CCDC171: variants seen among roughly 807,000 people sequenced by gnomAD.
CCDC171 encodes the protein coiled-coil domain containing 171.
In CCDC171, 177 loss-of-function variants were observed where a neutral mutation model predicts 168.2. That is an observed-to-expected ratio of 1.05 (90% CI 0.93 to 1.19). The LOEUF is 1.19. Among genes scored for constraint, CCDC171 ranks in the 50% most tolerant of loss-of-function variants. CCDC171 has a pLI of 0.00. For missense variants in CCDC171, 1,991 were observed against 1,539.0 expected (o/e 1.29, Z -4.91); for synonymous variants, 687 against 540.8 (o/e 1.27, Z -3.75).
At chr9:15,564,591 T>G (rs533376017) in intron 2 of CCDC171, among the ~76,000 whole-genome samples, 7 of 152,360 alleles carry the variant, frequency 4.6e-5, no homozygotes, top group African/African-American at 1.7e-4. Context: ...AGTTTACCCT[T>G]CAAGACGTAA....
In CCDC171 at chr9:15,725,222, T is replaced by C. The variant is rs181583735; in HGVS notation, c.1692+246T>C. 1.1e-4 allele frequency among the ~76,000 whole-genome samples: 17 copies of C among 152,338 alleles called. No individual in the cohort carries two copies. The East Asian group carries it at 2.9e-3, about 26-fold the overall frequency. ...TGTGTACAACTATCTTTTTGGACTT[T>C]TAGAATATTGTAACTCAAGTAACTA... On this transcript the variant is annotated intron_variant, in intron 14 of 25. Coordinates refer to ENST00000380701, the MANE Select transcript of CCDC171 (RefSeq NM_173550.4).
chr9:15,963,111 CAT>C (rs1830498445), intron 25 of CCDC171, among the ~76,000 whole-genome samples: 1 of 151,980 alleles, frequency 6.6e-6, no homozygotes, highest in African/African-American at 2.4e-5. Flanking sequence ...TGTTCTCACT[CAT>C]AGGTGGGAAT....
the CCDC171 span, among the ~76,000 whole-genome samples, chr9:16,090,416 G>T: frequency 6.6e-6 from 1 of 152,092 alleles, no homozygotes; most frequent in Admixed American, 6.6e-5. Flanking sequence ...GGGCCTGTTA[G>T]GGGGTGGGGG....
intron 10 of CCDC171, among the ~76,000 whole-genome samples, chr9:15,679,609 G>A (rs1564197190): frequency 6.6e-6 from 1 of 152,116 alleles, no homozygotes; most frequent in Non-Finnish European, 1.5e-5. Flanking sequence ...GAGTGCAGTG[G>A]TGCAACCCTA....
chr9:15,918,000 T>A (rs932038130), intron 24 of CCDC171, among the ~76,000 whole-genome samples: 1 of 151,696 alleles, frequency 6.6e-6, no homozygotes, highest in East Asian at 1.9e-4. Flanking sequence ...AATTCAATAG[T>A]TTACCATTTT....
At chr9:15,781,457 A>C (rs2057662220) in intron 20 of CCDC171, among the ~76,000 whole-genome samples, 1 of 152,054 alleles carries the variant, frequency 6.6e-6, no homozygotes, top group African/African-American at 2.4e-5. Flanking sequence ...TCGCTCTGTC[A>C]CCCAGGCCGG....
chr9:15,625,959 G>C (rs2045053895), intron 7 of CCDC171, among the ~76,000 whole-genome samples: 1 of 152,140 alleles, frequency 6.6e-6, no homozygotes, highest in Non-Finnish European at 1.5e-5. Flanking sequence ...AGCGTGGAAT[G>C]TTCTTCCATT....
At chr9:15,956,828 C>T (rs565320032) in intron 25 of CCDC171, among the ~76,000 whole-genome samples, 248 of 152,014 alleles carry the variant, frequency 1.6e-3, no homozygotes, top group Middle Eastern at 3.2e-3. Flanking sequence ...GAATGTGCGT[C>T]GACCTTTCCG....
intron 24 of CCDC171, among the ~76,000 whole-genome samples, chr9:15,913,780 G>T (rs371348592): frequency 1.7e-4 from 26 of 152,244 alleles, no homozygotes; most frequent in African/African-American, 6.0e-4. Flanking sequence ...TAGTGGATTT[G>T]TCTACCTTTT....
intron 23 of CCDC171, among the ~76,000 whole-genome samples, chr9:15,865,596 GTAAATA>G (rs1302718154): frequency 6.6e-6 from 1 of 151,850 alleles, no homozygotes; most frequent in East Asian, 1.9e-4. Context: ...TTAATGAATA[GTAAATA>G]TATTTTCTCT....
chr9:15,717,284 T>G (rs1445354379), intron 11 of CCDC171, among the ~76,000 whole-genome samples: 1 of 152,130 alleles, frequency 6.6e-6, no homozygotes, highest in Non-Finnish European at 1.5e-5. Context: ...GAGGGAACAT[T>G]TAGACTAGTC....
chr9:16,075,456 G>A, the CCDC171 span, among the ~76,000 whole-genome samples: 6 of 152,230 alleles, frequency 3.9e-5, no homozygotes, highest in East Asian at 9.6e-4. Flanking sequence ...TCTGCTTCAT[G>A]TAGTGTAAGT....
intron 21 of CCDC171, among the ~76,000 whole-genome samples, chr9:15,791,320 G>A (rs1348393298): frequency 6.6e-6 from 1 of 152,118 alleles, no homozygotes; most frequent in East Asian, 1.9e-4. Flanking sequence ...CACATCCCTT[G>A]TAAGTTGGAT....
chr9:16,101,298 A>G, the CCDC171 span, among the ~76,000 whole-genome samples: 2 of 152,234 alleles, frequency 1.3e-5, no homozygotes, highest in Non-Finnish European at 2.9e-5. Flanking sequence ...TTTAGTATAC[A>G]TAGGTCCTGA....
chr9:16,007,835 C>A (rs1046403713), intron 3 of CCDC171, among the ~76,000 whole-genome samples: 2 of 152,072 alleles, frequency 1.3e-5, no homozygotes, highest in Admixed American at 1.3e-4. Context: ...GTTACTGTAG[C>A]CTTGTAGTAT....
At chr9:16,107,463 T>C in the CCDC171 span, among the ~76,000 whole-genome samples, 15 of 152,326 alleles carry the variant, frequency 9.8e-5, no homozygotes, top group African/African-American at 3.6e-4. Context: ...ATGGAGAATG[T>C]ATTTTATATA....
the CCDC171 span, among the ~76,000 whole-genome samples, chr9:16,084,762 G>A: frequency 3.9e-5 from 6 of 152,148 alleles, no homozygotes; most frequent in Non-Finnish European, 7.3e-5. Context: ...GGTTTTGGGT[G>A]TCATCTAACC....
chr9:15,740,337 G>GT lies in CCDC171; in HGVS notation c.2050-3929dup, dbSNP rs1384983820. ...TTGAATTGCTACCTTTATCATTGAA[G>GT]TTTTTTTGTGCTTAGATCTGTTTCT... On this transcript the variant is annotated intron_variant, in intron 16 of 25. Coordinates refer to ENST00000380701, the MANE Select transcript of CCDC171 (RefSeq NM_173550.4). Among the ~76,000 whole-genome samples the GT allele has an allele frequency of 5.3e-5, 8 of 150,356 alleles. No individual in the cohort carries two copies. In the East Asian group the frequency reaches 1.6e-3, roughly 29 times the overall value.
chr9:15,749,950 A>G (rs1455133477), intron 18 of CCDC171, among the ~76,000 whole-genome samples: 1 of 152,150 alleles, frequency 6.6e-6, no homozygotes, highest in African/African-American at 2.4e-5. Context: ...AAGCTAGCAG[A>G]AGACAAGAAA....
Sources: gnomAD v4.1 joint callset for allele counts (sites outside exome capture counted in the v4.1 genomes callset) on GRCh38, gnomAD v4.1.1 for gene constraint, MANE v1.5 for transcripts, NCBI Gene and HGNC (gene_info 2026-07-23, HGNC 2026-07-21) for gene names.